FSTL5: variants seen among roughly 807,000 people sequenced by gnomAD.
The protein encoded by FSTL5 is follistatin-related protein 5.
In FSTL5, 62 loss-of-function variants were observed where a neutral mutation model predicts 89.1. The observed-to-expected ratio is 0.70, with a 90% CI of 0.57 to 0.86. The LOEUF is 0.86. FSTL5 is among the 40% of genes least tolerant of loss of function. FSTL5 has a pLI of 0.00. For missense variants in FSTL5, 1,057 were observed against 1,001.6 expected (o/e 1.06, Z -0.75); for synonymous variants, 383 against 346.2 (o/e 1.11, Z -1.18).
chr4:161,518,335 A>T (rs2126511843), intron 10 of FSTL5, among the ~76,000 whole-genome samples: 1 of 152,364 alleles, frequency 6.6e-6, no homozygotes, highest in Middle Eastern at 3.4e-3. Flanking sequence ...CTTGGAAAGC[A>T]GAGATCAGAG....
At chr4:162,019,844 A>G (rs1007859126) in intron 3 of FSTL5, among the ~76,000 whole-genome samples, 2 of 150,370 alleles carry the variant, frequency 1.3e-5, no homozygotes, top group African/African-American at 4.9e-5. Flanking sequence ...TTAATTTTAT[A>G]TATTTACATA....
Position 161,498,558 on chromosome 4 carries a change from T to C in FSTL5, c.1458+1458A>G, listed in dbSNP as rs758105893. 2.6e-5 allele frequency among the ~76,000 whole-genome samples: 4 copies of C among 152,294 alleles called. No individual in the cohort carries two copies. The South Asian group carries it at 8.3e-4, about 32-fold the overall frequency. ...AGTATGGATTTCACAGCCTATCTTA[T>C]TAGTATTAGTAATTGAAGTTTCAAA... is the stretch of plus-strand genomic sequence containing the variant. On this transcript the variant is annotated intron_variant, in intron 12 of 15. Transcript: ENST00000306100.
At chr4:162,063,699 A>T (rs1738796159) in intron 2 of FSTL5, among the ~76,000 whole-genome samples, 1 of 151,932 alleles carries the variant, frequency 6.6e-6, no homozygotes, top group South Asian at 2.1e-4. Flanking sequence ...TTAGAAATTC[A>T]ATTTTTGTGC....
chr4:161,651,873 A>G (rs1027633830), intron 7 of FSTL5, among the ~76,000 whole-genome samples: 1 of 152,234 alleles, frequency 6.6e-6, no homozygotes, highest in African/African-American at 2.4e-5. Context: ...GGTGCAAAAT[A>G]TAAAACAGAC....
chr4:161,688,552 C>T (rs1737819454), intron 6 of FSTL5, among the ~76,000 whole-genome samples: 2 of 152,162 alleles, frequency 1.3e-5, no homozygotes. Flanking sequence ...ATATACCACA[C>T]CTCTGGAATG....
chr4:161,461,305 C>T lies in FSTL5; in HGVS notation c.1609-1986G>A, dbSNP rs10021022. On this transcript the variant is annotated intron_variant, in intron 13 of 15. Transcript: ENST00000306100. ...TAAAAATACAAAAAAAACAAACAAA[C>T]AAAAAAATTAGCCAGGAGCTGTGGC... Among the ~76,000 whole-genome samples, 2 of 130,462 alleles carry T rather than the reference C, an allele frequency of 1.5e-5. 1 individual carries two copies. The highest frequency in any genetic ancestry group is 4.4e-4 in the East Asian group (2 of 4,546). 85.6% of individuals were successfully genotyped at this position (130,462 alleles called of 152,430 possible).
intron 2 of FSTL5, among the ~76,000 whole-genome samples, chr4:162,076,060 A>T (rs1729825314): frequency 6.6e-6 from 1 of 151,872 alleles, no homozygotes; most frequent in Non-Finnish European, 1.5e-5. Context: ...AATTTAAGGC[A>T]TATACTATAG....
intron 7 of FSTL5, among the ~76,000 whole-genome samples, chr4:161,638,539 A>G (rs1735819212): frequency 6.6e-6 from 1 of 151,806 alleles, no homozygotes; most frequent in Admixed American, 6.6e-5. Context: ...CCAGGACCAG[A>G]TGGATTCACA....
chr4:161,472,188 A>G (rs916448810), intron 13 of FSTL5, among the ~76,000 whole-genome samples: 4 of 152,118 alleles, frequency 2.6e-5, no homozygotes, highest in South Asian at 2.1e-4. Flanking sequence ...CGTGTTAGCC[A>G]GGATGATCTC....
chr4:161,493,090 A>G (rs1471852823), intron 12 of FSTL5, among the ~76,000 whole-genome samples: 1 of 151,976 alleles, frequency 6.6e-6, no homozygotes, highest in Non-Finnish European at 1.5e-5. Context: ...TCAAAAGTAA[A>G]CAATGAGAAA....
intron 10 of FSTL5, 32 bp downstream of exon 10, chr4:161,538,134 G>A: frequency 6.2e-7 from 1 of 1,609,852 alleles, no homozygotes; most frequent in Non-Finnish European, 8.5e-7. Flanking sequence ...TGAATATGGT[G>A]TGTGTGTGCT....
At chr4:161,639,416 T>C (rs941498001) in intron 7 of FSTL5, among the ~76,000 whole-genome samples, 5 of 152,234 alleles carry the variant, frequency 3.3e-5, no homozygotes. Flanking sequence ...ATAGGTGTAT[T>C]ATTTATTTAA....
At chr4:161,748,411 T>G (rs2126779051) in intron 6 of FSTL5, among the ~76,000 whole-genome samples, 1 of 152,234 alleles carries the variant, frequency 6.6e-6, no homozygotes, top group African/African-American at 2.4e-5. Context: ...TTCAAACCTT[T>G]AAATAATTAT....
intron 4 of FSTL5, among the ~76,000 whole-genome samples, chr4:161,845,990 G>A (rs186728795): frequency 9.2e-5 from 14 of 151,642 alleles, no homozygotes; most frequent in African/African-American, 3.4e-4. Context: ...AGGTTGCAGT[G>A]AGCTGAGATG....
At chr4:162,116,326 G>T (rs1731634546) in intron 1 of FSTL5, among the ~76,000 whole-genome samples, 1 of 152,162 alleles carries the variant, frequency 6.6e-6, no homozygotes. Flanking sequence ...TGCCAAGGCC[G>T]ACCTCTAATT....
intron 15 of FSTL5, among the ~76,000 whole-genome samples, chr4:161,449,909 G>A (rs1375020326): frequency 6.6e-6 from 1 of 152,124 alleles, no homozygotes; most frequent in Admixed American, 6.5e-5. Flanking sequence ...CATCTTATTC[G>A]TGCTACGTCA....
intron 4 of FSTL5, among the ~76,000 whole-genome samples, chr4:161,886,564 C>T (rs551761629): frequency 3.9e-5 from 6 of 152,260 alleles, no homozygotes; most frequent in Admixed American, 1.3e-4. Context: ...TGCCATATTT[C>T]TTCAATCATA....
chr4:162,118,451 C>A (rs540814663), intron 1 of FSTL5, among the ~76,000 whole-genome samples: 1 of 152,032 alleles, frequency 6.6e-6, no homozygotes, highest in Non-Finnish European at 1.5e-5. Context: ...TTAGTAGAGA[C>A]GGGGTTTCGC....
chr4:162,159,365 A>G lies in FSTL5; in HGVS notation c.-17+4250T>C, dbSNP rs576326232. Among the ~76,000 whole-genome samples, 7 of 152,166 alleles carry G rather than the reference A, an allele frequency of 4.6e-5. No individual in the cohort carries two copies. The South Asian group carries it at 1.4e-3, about 31-fold the overall frequency. ...TTTAAATACAACTCAATGAAGAAGT[A>G]TTTTTAAATCTTTTGCTTTGGAATT... On this transcript the variant is annotated intron_variant, in intron 1 of 15. Coordinates refer to ENST00000306100, the MANE Select transcript of FSTL5 (RefSeq NM_020116.5).
Sources: gnomAD v4.1 joint callset for allele counts (sites outside exome capture counted in the v4.1 genomes callset) on GRCh38, gnomAD v4.1.1 for gene constraint, MANE v1.5 for transcripts, NCBI Gene and HGNC (gene_info 2026-07-23, HGNC 2026-07-21) for gene names.